The following PPP2R5E variants were observed in gnomAD, a reference collection of about 807,000 sequenced individuals.
PPP2R5E encodes the protein serine/threonine-protein phosphatase 2A 56 kDa regulatory subunit epsilon isoform.
PPP2R5E carries 4 observed loss-of-function variants against 65.3 expected under a neutral mutation model. The observed-to-expected ratio is 0.06, with a 90% confidence interval of 0.03 to 0.14. The LOEUF (loss-of-function observed/expected upper bound fraction) is 0.14, where lower values mean the gene tolerates loss of function less well. Ranked by LOEUF, PPP2R5E falls within the 10% of genes least tolerant of loss-of-function variation. The pLI is 1.00. For missense variants in PPP2R5E, 274 were observed against 556.1 expected, an observed-to-expected ratio of 0.49 and a Z score of 5.10; for synonymous variants, 183 against 187.4, an observed-to-expected ratio of 0.98 and a Z score of 0.19.
chr14:63,529,361 CTTT>C (rs557363996), intron 2 of PPP2R5E, among the ~76,000 whole-genome samples: 5 of 129,630 alleles, frequency 3.9e-5, no homozygotes, highest in Admixed American at 7.7e-5. Flanking sequence ...AGCCCAAAGA[CTTT>C]TTTTTTTTTT....
At chr14:63,482,130 A>G (rs934422739) in intron 2 of PPP2R5E, among the ~76,000 whole-genome samples, 1 of 152,252 alleles carries the variant, frequency 6.6e-6, no homozygotes, top group African/African-American at 2.4e-5. Context: ...ATTGTTTTAC[A>G]AAATTCTTTC....
chr14:63,455,625 T>A (rs1368850666), intron 2 of PPP2R5E, among the ~76,000 whole-genome samples: 1 of 152,062 alleles, frequency 6.6e-6, no homozygotes, highest in Non-Finnish European at 1.5e-5. Context: ...GACCAAACTC[T>A]CTAAGTGCTA....
chr14:63,479,813 T>C, intron 2 of PPP2R5E, among the ~76,000 whole-genome samples: 1 of 152,212 alleles, frequency 6.6e-6, no homozygotes, highest in East Asian at 1.9e-4. Flanking sequence ...TTAAACCATA[T>C]GCAAGTGCCA....
At chr14:63,520,675 C>G (rs1002315985) in intron 2 of PPP2R5E, among the ~76,000 whole-genome samples, 3 of 151,888 alleles carry the variant, frequency 2.0e-5, no homozygotes, top group Admixed American at 1.3e-4. Flanking sequence ...TTAGCCAGGT[C>G]CTAGGCGGAC....
intron 4 of PPP2R5E, among the ~76,000 whole-genome samples, chr14:63,419,537 A>C (rs1242450022): frequency 7.9e-5 from 12 of 151,740 alleles, no homozygotes; most frequent in African/African-American, 2.9e-4. Context: ...AAACCACCTA[A>C]CACTGAAAAT....
chr14:63,373,785 T>C lies in PPP2R5E; in HGVS notation c.*2224A>G, dbSNP rs1206494830. 6.6e-6 allele frequency: 1 copy of C among 152,152 alleles called. No individual in the cohort carries two copies. Among genetic ancestry groups the C allele is most frequent in the Non-Finnish European group, 1.5e-5 (1 of 68,018 alleles). The allele number at this position is 152,152 out of a possible 1,614,324, so 9.4% of individuals were successfully genotyped here. A position where few individuals can be genotyped will look rare whatever the true frequency, so the allele number is the denominator to read the frequency against. On this transcript the variant is annotated 3_prime_UTR_variant, in exon 14 of 14. Transcript: ENST00000337537. The stretch of plus-strand genomic sequence containing the variant: ...TCATAAACCTGTGATTTTAATGTCT[T>C]CTACCTAAAAAGATGAATTAATGGC...
At chr14:63,393,589 G>A (rs978470336) in intron 8 of PPP2R5E, among the ~76,000 whole-genome samples, 2 of 152,080 alleles carry the variant, frequency 1.3e-5, no homozygotes, top group African/African-American at 4.8e-5. Context: ...GCGTGCGCTT[G>A]TAGTCACAGC....
intron 3 of PPP2R5E, among the ~76,000 whole-genome samples, chr14:63,435,995 G>C (rs919363996): frequency 1.6e-4 from 25 of 152,196 alleles, no homozygotes; most frequent in Non-Finnish European, 7.3e-5. Context: ...AATAGTCATA[G>C]TGCTTACTGT....
At chr14:63,440,679 C>A (rs181078569) in intron 3 of PPP2R5E, among the ~76,000 whole-genome samples, 34 of 151,808 alleles carry the variant, frequency 2.2e-4, no homozygotes, top group Non-Finnish European at 1.5e-5. Context: ...TGGCTCACGC[C>A]CGTAATCCCA....
chr14:63,399,375 T>G (rs1254743318), intron 5 of PPP2R5E, among the ~76,000 whole-genome samples: 1 of 113,278 alleles, frequency 8.8e-6, no homozygotes. Context: ...TCTTTTTTTT[T>G]TTTTTTTTTT....
rs554761202 is a variant in PPP2R5E at position 63,465,610 on chromosome 14, G to A, written c.158-11725C>T. On this transcript the variant is annotated intron_variant, in intron 2 of 13. Transcript: ENST00000337537. ...CACTGCGCTCCAGCCTCGGTGACAC[G>A]GTAAGACCCTGTTTCAAAAAAAAAT... Among the ~76,000 whole-genome samples the A allele has an allele frequency of 7.2e-5, 11 of 152,154 alleles. No homozygotes were observed. In the South Asian group the frequency reaches 1.5e-3, roughly 20 times the overall value.
chr14:63,505,180 C>T (rs1829072791), intron 2 of PPP2R5E, among the ~76,000 whole-genome samples: 2 of 152,126 alleles, frequency 1.3e-5, no homozygotes, highest in Admixed American at 6.5e-5. Context: ...ACTAAAAATA[C>T]AAAAATTAGC....
In PPP2R5E at chr14:63,371,932, AGAC is replaced by A. The variant is rs1883711115; in HGVS notation, c.*4074_*4076del. 1 of 152,224 alleles carries A rather than the reference AGAC, an allele frequency of 6.6e-6. No homozygotes were observed. Among genetic ancestry groups the A allele is most frequent in the Non-Finnish European group, 1.5e-5 (1 of 68,038 alleles). The allele number at this position is 152,224 out of a possible 1,614,324, so 9.4% of individuals were successfully genotyped here. A position where few individuals can be genotyped will look rare whatever the true frequency, so the allele number is the denominator to read the frequency against. ...TCTCATTATACTTCAATCAAAAATC[AGAC>A]AACAACCAGAAAATGCATTGGTAAT... On this transcript the variant is annotated 3_prime_UTR_variant, in exon 14 of 14. Coordinates refer to ENST00000337537, the MANE Select transcript of PPP2R5E (RefSeq NM_006246.5).
chr14:63,461,776 T>C (rs1214500882), intron 2 of PPP2R5E, among the ~76,000 whole-genome samples: 4 of 151,686 alleles, frequency 2.6e-5, no homozygotes, highest in Admixed American at 2.0e-4. Context: ...CCCTAGATAA[T>C]AGTGTGAGAC....
At chr14:63,467,806 A>T (rs1343596560) in intron 2 of PPP2R5E, among the ~76,000 whole-genome samples, 1 of 152,114 alleles carries the variant, frequency 6.6e-6, no homozygotes, top group Admixed American at 6.5e-5. Context: ...AAATCAGGGG[A>T]CCTGGGTTCC....
intron 2 of PPP2R5E, among the ~76,000 whole-genome samples, chr14:63,504,283 C>T (rs1364707584): frequency 6.6e-6 from 1 of 152,050 alleles, no homozygotes; most frequent in African/African-American, 2.4e-5. Flanking sequence ...AAAAAAAACC[C>T]ACCCAAGAAG....
chr14:63,411,091 A>G (rs61995008), intron 5 of PPP2R5E, among the ~76,000 whole-genome samples: 2,127 of 152,336 alleles, frequency 0.014, 14 homozygotes, highest in Non-Finnish European at 0.02. Context: ...AAACAGCACT[A>G]GCTCTAGACG....
At chr14:63,408,466 T>G (rs539510487) in intron 5 of PPP2R5E, among the ~76,000 whole-genome samples, 1 of 152,334 alleles carries the variant, frequency 6.6e-6, no homozygotes, top group Admixed American at 6.5e-5. Flanking sequence ...CAGGGTCATC[T>G]CCACCTAAGG....
chr14:63,393,726 A>T, intron 8 of PPP2R5E, 94 bp downstream of exon 8: 1 of 882,736 alleles, frequency 1.1e-6, no homozygotes, highest in Non-Finnish European at 1.7e-6. Context: ...AACAAAAACC[A>T]AAAAAACAAA....
Sources: allele counts gnomAD v4.1 joint callset (sites outside exome capture counted in the v4.1 genomes callset), GRCh38; gene constraint gnomAD v4.1.1; transcripts MANE v1.5; gene names NCBI Gene and HGNC (gene_info 2026-07-23, HGNC 2026-07-21).